The following LARGE1 variants were observed in gnomAD, a reference collection of about 807,000 sequenced individuals.
The protein encoded by LARGE1 is LARGE xylosyl- and glucuronyltransferase 1.
Under a neutral mutation model 87.6 loss-of-function variants are expected in LARGE1, and 43 were observed. The observed-to-expected ratio is 0.49, with a 90% CI of 0.38 to 0.63. LARGE1 has a LOEUF of 0.63. LARGE1 is among the 30% of genes least tolerant of loss of function. The pLI, the probability that LARGE1 is intolerant of heterozygous loss-of-function variation, is 0.00. For synonymous variants in LARGE1, 434 were observed against 394.6 expected, an observed-to-expected ratio of 1.10 and a Z score of -1.18; for missense variants, 802 against 1,000.2, an observed-to-expected ratio of 0.80 and a Z score of 2.67.
intron 3 of LARGE1, 46 bp downstream of exon 3, chr22:33,650,321 T>C (rs1460105741): frequency 6.2e-7 from 1 of 1,611,090 alleles, no homozygotes; most frequent in African/African-American, 1.3e-5. Flanking sequence ...GTGAGGGCAA[T>C]CGGGACTTTG....
At chr22:33,407,300 T>C (rs1408114302) in intron 7 of LARGE1, among the ~76,000 whole-genome samples, 3 of 152,158 alleles carry the variant, frequency 2.0e-5, no homozygotes. Flanking sequence ...GCGGGAACTA[T>C]AGGTGTGCAC....
At chr22:33,280,173 T>C (rs1468998241) in intron 13 of LARGE1, among the ~76,000 whole-genome samples, 1 of 152,154 alleles carries the variant, frequency 6.6e-6, no homozygotes, top group Non-Finnish European at 1.5e-5. Context: ...TCAACAGGTA[T>C]GGGTACATTA....
At chr22:33,414,812 A>C (rs1299298599) in intron 7 of LARGE1, among the ~76,000 whole-genome samples, 2 of 152,194 alleles carry the variant, frequency 1.3e-5, no homozygotes, top group Non-Finnish European at 2.9e-5. Context: ...CTTATAAAAG[A>C]GACCCCAGAG....
At chr22:33,259,365 GAC>G (rs141520113) in intron 11 of LARGE1, among the ~76,000 whole-genome samples, 4 of 149,618 alleles carry the variant, frequency 2.7e-5, no homozygotes, top group East Asian at 2.0e-4. Flanking sequence ...CACATGCACG[GAC>G]ACACACACAC....
At chr22:33,125,245 CAT>C in the LARGE1 span, among the ~76,000 whole-genome samples, 1 of 152,150 alleles carries the variant, frequency 6.6e-6, no homozygotes, top group Admixed American at 6.5e-5. Flanking sequence ...CCTCCTACCT[CAT>C]GTGGAGTTAC....
chr22:33,367,245 T>G (rs536961035), intron 9 of LARGE1, among the ~76,000 whole-genome samples: 203 of 152,266 alleles, frequency 1.3e-3, no homozygotes, highest in African/African-American at 4.7e-3. Flanking sequence ...AATGAGTAAG[T>G]GGATCTGGAA....
intron 6 of LARGE1, among the ~76,000 whole-genome samples, chr22:33,543,923 T>G (rs2077281823): frequency 6.6e-6 from 1 of 152,226 alleles, no homozygotes; most frequent in African/African-American, 2.4e-5. Context: ...AAGAGCTCAC[T>G]GTGTCTAAAC....
chr22:33,746,041 T>C (rs2084070471), intron 2 of LARGE1, among the ~76,000 whole-genome samples: 1 of 152,198 alleles, frequency 6.6e-6, no homozygotes, highest in African/African-American at 2.4e-5. Context: ...ATTTTCAAAC[T>C]TCTCTGTGCC....
At chr22:33,470,708 C>T (rs141630678) in intron 6 of LARGE1, among the ~76,000 whole-genome samples, 2 of 152,344 alleles carry the variant, frequency 1.3e-5, no homozygotes, top group African/African-American at 2.4e-5. Context: ...TTGACCTCTT[C>T]GTGGGGAGCA....
the LARGE1 span, among the ~76,000 whole-genome samples, chr22:33,101,719 G>C: frequency 1.3e-5 from 2 of 152,128 alleles, no homozygotes; most frequent in African/African-American, 2.4e-5. Context: ...TGCTTCAGTT[G>C]ACATTATAGG....
the LARGE1 span, among the ~76,000 whole-genome samples, chr22:33,112,238 C>T: frequency 1.3e-5 from 2 of 152,278 alleles, no homozygotes; most frequent in African/African-American, 4.8e-5. Context: ...AAAGTGGGAT[C>T]GAGAAAAGTG....
chr22:33,148,286 T>C, the LARGE1 span, among the ~76,000 whole-genome samples: 1 of 152,238 alleles, frequency 6.6e-6, no homozygotes, highest in Non-Finnish European at 1.5e-5. Context: ...ATGCCATCAC[T>C]ATAGTTTTTA....
intron 9 of LARGE1, 120 bp downstream of exon 9, chr22:33,381,799 C>G (rs1433032938): frequency 7.7e-7 from 1 of 1,306,652 alleles, no homozygotes; most frequent in Non-Finnish European, 1.1e-6. Context: ...TCATTCTGCT[C>G]TCCTGTGCCC....
At chr22:33,508,773 C>A (rs2070891318) in intron 6 of LARGE1, among the ~76,000 whole-genome samples, 1 of 152,176 alleles carries the variant, frequency 6.6e-6, no homozygotes, top group Middle Eastern at 3.2e-3. Context: ...CTTCACGTGA[C>A]ATTTGTCTCC....
the LARGE1 span, among the ~76,000 whole-genome samples, chr22:33,127,445 C>T: frequency 1.3e-5 from 2 of 152,016 alleles, no homozygotes; most frequent in Non-Finnish European, 2.9e-5. Context: ...ATTACCTCTT[C>T]TGACCATCCA....
At chr22:33,223,761 G>A (rs1001045262) in intron 11 of LARGE1, among the ~76,000 whole-genome samples, 3 of 152,162 alleles carry the variant, frequency 2.0e-5, no homozygotes, top group Non-Finnish European at 4.4e-5. Context: ...ATCTAAAAAT[G>A]TCAAGTTCTG....
At chr22:33,576,675 T>C (rs1471954607) in intron 5 of LARGE1, among the ~76,000 whole-genome samples, 1 of 152,154 alleles carries the variant, frequency 6.6e-6, no homozygotes, top group Non-Finnish European at 1.5e-5. Context: ...CCTCTCTATC[T>C]GTGGAGGATT....
chr22:33,703,604 G>C (rs2082467162), intron 2 of LARGE1, among the ~76,000 whole-genome samples: 1 of 152,184 alleles, frequency 6.6e-6, no homozygotes, highest in Non-Finnish European at 1.5e-5. Context: ...GCGTCGGAGG[G>C]AATGTTGGTG....
At chr22:33,798,119 C>T (rs1441929478) in intron 1 of LARGE1, among the ~76,000 whole-genome samples, 1 of 152,020 alleles carries the variant, frequency 6.6e-6, no homozygotes, top group African/African-American at 2.4e-5. Flanking sequence ...CTGAAATAGC[C>T]GTCTCTACTA....
Sources: allele counts gnomAD v4.1 joint callset (sites outside exome capture counted in the v4.1 genomes callset), GRCh38; gene constraint gnomAD v4.1.1; transcripts MANE v1.5; gene names NCBI Gene and HGNC (gene_info 2026-07-23, HGNC 2026-07-21).